Variants in TRPC6 observed in about 807,000 individuals in gnomAD.
The protein encoded by TRPC6 is transient receptor potential cation channel subfamily C member 6, also known as short transient receptor potential channel 6.
Under a neutral mutation model 90.7 loss-of-function variants are expected in TRPC6, and 55 were observed. The observed-to-expected ratio is 0.61, with a 90% confidence interval of 0.49 to 0.76. The LOEUF (loss-of-function observed/expected upper bound fraction) is 0.76. TRPC6 is among the 30% of genes least tolerant of loss of function. The pLI, the probability that TRPC6 is intolerant of heterozygous loss-of-function variation, is 0.00. For synonymous variants in TRPC6, 393 were observed against 393.0 expected (o/e 1.00, Z 0.00); for missense variants, 989 against 1,122.7 (o/e 0.88, Z 1.70).
At chr11:101,554,919 G>A (rs1200844631) in intron 1 of TRPC6, among the ~76,000 whole-genome samples, 2 of 152,060 alleles carry the variant, frequency 1.3e-5, no homozygotes, top group African/African-American at 2.4e-5. Flanking sequence ...TCCTCTCTAA[G>A]TTTGTCTTGC....
rs538501121 is a variant in TRPC6 at position 101,471,872 on chromosome 11, G to C, written c.2205+265C>G. Reference sequence around the variant, plus strand: ...TAAAATATAAATTCATGCTGATATAGTATTTCTAAAGTTTTTTATTAAATT... The same window carrying C: ...TAAAATATAAATTCATGCTGATATACTATTTCTAAAGTTTTTTATTAAATT... On this transcript the variant is annotated intron_variant, in intron 8 of 12. Transcript: ENST00000344327. Among the ~76,000 whole-genome samples the C allele has an allele frequency of 1.6e-4, 24 of 152,244 alleles. No homozygotes were observed. The East Asian group carries it at 4.6e-3, about 29-fold the overall frequency.
At chr11:101,508,931 T>C (rs115238393) in intron 1 of TRPC6, among the ~76,000 whole-genome samples, 2,416 of 152,248 alleles carry the variant, frequency 0.016, 69 homozygotes, top group African/African-American at 0.056. Flanking sequence ...TCAGAGGTAA[T>C]TGAAATTATG....
intron 1 of TRPC6, among the ~76,000 whole-genome samples, chr11:101,558,045 G>A (rs926953230): frequency 4.0e-5 from 6 of 151,728 alleles, no homozygotes; most frequent in African/African-American, 1.5e-4. Flanking sequence ...AAATTCATAT[G>A]GAACTGCAAA....
intron 1 of TRPC6, among the ~76,000 whole-genome samples, chr11:101,522,352 T>C (rs1860681736): frequency 6.6e-6 from 1 of 152,230 alleles, no homozygotes; most frequent in East Asian, 1.9e-4. Context: ...AAGATGTGCC[T>C]GCTTCGCCTT....
intron 1 of TRPC6, among the ~76,000 whole-genome samples, chr11:101,542,188 T>G (rs747421531): frequency 6.6e-6 from 1 of 152,210 alleles, no homozygotes; most frequent in Admixed American, 6.5e-5. Flanking sequence ...CAAGGATAGA[T>G]GAGACACGGA....
At chr11:101,551,624 C>T (rs75190331) in intron 1 of TRPC6, among the ~76,000 whole-genome samples, 34,690 of 151,738 alleles carry the variant, frequency 0.23, 4,303 homozygotes, top group Middle Eastern at 0.34. Flanking sequence ...AAATCAACTC[C>T]CCCCTCCCCC....
chr11:101,535,221 AG>A (rs1861013770), intron 1 of TRPC6, among the ~76,000 whole-genome samples: 1 of 91,504 alleles, frequency 1.1e-5, no homozygotes, highest in African/African-American at 3.7e-5. Context: ...GAAGGAAGGA[AG>A]GAAGGAAGGA....
At chr11:101,476,622 C>A in intron 5 of TRPC6, 88 bp from the exon 6 acceptor site, 1 of 1,235,394 alleles carries the variant, frequency 8.1e-7, no homozygotes, top group African/African-American at 1.5e-5. Flanking sequence ...AGGTCTCAGC[C>A]TGACATTACA....
At chr11:101,551,664 T>C (rs1460093848) in intron 1 of TRPC6, among the ~76,000 whole-genome samples, 1 of 152,036 alleles carries the variant, frequency 6.6e-6, no homozygotes, top group African/African-American at 2.4e-5. Context: ...CAATTAATGA[T>C]TCAAAAACTT....
At chr11:101,522,227 G>A (rs1160955436) in intron 1 of TRPC6, among the ~76,000 whole-genome samples, 1 of 152,036 alleles carries the variant, frequency 6.6e-6, no homozygotes, top group Admixed American at 6.5e-5. Flanking sequence ...ATCAAATATG[G>A]GTATGGATAT....
In TRPC6 at chr11:101,557,247, C is replaced by T. The variant is rs575132664; in HGVS notation, c.170+26087G>A. 3.3e-5 allele frequency among the ~76,000 whole-genome samples: 5 copies of T among 152,154 alleles called. No homozygotes were observed. In the East Asian group the frequency reaches 7.7e-4, roughly 24 times the overall value. Reference sequence around the variant, plus strand: ...GCACATGCCTGTAATCCCAGCTACCCGGGTGGCTAAGAAATGAGAATTGCT... The same window carrying T: ...GCACATGCCTGTAATCCCAGCTACCTGGGTGGCTAAGAAATGAGAATTGCT... On this transcript the variant is annotated intron_variant, in intron 1 of 12. Transcript: ENST00000344327.
At position 101,504,987 on chromosome 11, in the gene TRPC6, A is replaced by T. The variant is rs1860224753; in HGVS notation, c.171-189T>A. 2.0e-5 allele frequency among the ~76,000 whole-genome samples: 3 copies of T among 152,328 alleles called. No individual in the cohort carries two copies. In the South Asian group the frequency reaches 6.2e-4, roughly 32 times the overall value. ...ATTCCAAGAACTTCACGTCTAAGAA[A>T]GCCAAGCACTTTGCAGATTTTAACA... is the stretch of plus-strand genomic sequence containing the variant. On this transcript the variant is annotated intron_variant, in intron 1 of 12. Transcript: ENST00000344327.
chr11:101,496,515 C>T (rs1859953272), intron 2 of TRPC6, among the ~76,000 whole-genome samples: 1 of 152,116 alleles, frequency 6.6e-6, no homozygotes, highest in Non-Finnish European at 1.5e-5. Flanking sequence ...AAATGGAATA[C>T]AATTTCAAAA....
intron 1 of TRPC6, among the ~76,000 whole-genome samples, chr11:101,566,990 C>G (rs1175051399): frequency 6.6e-6 from 1 of 151,972 alleles, no homozygotes. Flanking sequence ...TTTTTCCATA[C>G]CCCAGTGGCA....
At chr11:101,499,815 A>T in intron 2 of TRPC6, among the ~76,000 whole-genome samples, 1 of 102,226 alleles carries the variant, frequency 9.8e-6, no homozygotes, top group Non-Finnish European at 1.9e-5. Context: ...ACAGTATAAA[A>T]TGTGTATATA....
At chr11:101,509,757 T>C (rs1434985977) in intron 1 of TRPC6, among the ~76,000 whole-genome samples, 1 of 152,148 alleles carries the variant, frequency 6.6e-6, no homozygotes, top group Admixed American at 6.5e-5. Context: ...GTCTTAGTTG[T>C]TGTGACCACA....
intron 1 of TRPC6, among the ~76,000 whole-genome samples, chr11:101,533,033 G>A (rs979643997): frequency 1.3e-5 from 2 of 152,102 alleles, no homozygotes; most frequent in African/African-American, 4.8e-5. Context: ...GCCACAAACC[G>A]AGAAGGTCAG....
At chr11:101,494,896 A>G (rs1859908000) in intron 2 of TRPC6, among the ~76,000 whole-genome samples, 1 of 152,220 alleles carries the variant, frequency 6.6e-6, no homozygotes, top group Non-Finnish European at 1.5e-5. Flanking sequence ...TCTACTTGGG[A>G]AATCATTTAC....
At chr11:101,565,032 T>G (rs187199586) in intron 1 of TRPC6, among the ~76,000 whole-genome samples, 1 of 152,040 alleles carries the variant, frequency 6.6e-6, no homozygotes, top group Non-Finnish European at 1.5e-5. Context: ...AAGAATTAAA[T>G]TGGACCCTTC....
Sources: gnomAD v4.1 joint callset for allele counts (sites outside exome capture counted in the v4.1 genomes callset) on GRCh38, gnomAD v4.1.1 for gene constraint, MANE v1.5 for transcripts, NCBI Gene and HGNC (gene_info 2026-07-23, HGNC 2026-07-21) for gene names.